The following VTI1A variants were observed in gnomAD, a reference collection of about 807,000 sequenced individuals.
VTI1A encodes the protein vesicle transport through interaction with t-SNAREs 1A, also known as vesicle transport through interaction with t-SNAREs homolog 1A.
VTI1A carries 22 observed loss-of-function variants against 34.9 expected under a neutral mutation model. That is an observed-to-expected ratio of 0.63 (90% CI 0.45 to 0.90). The LOEUF (loss-of-function observed/expected upper bound fraction) is 0.90. VTI1A is among the 40% of genes least tolerant of loss of function. The probability of loss-of-function intolerance (pLI) is 0.00; values close to 1 mark genes in which losing one functional copy is unlikely to be tolerated. For missense variants in VTI1A, 268 were observed against 275.6 expected, an observed-to-expected ratio of 0.97 and a Z score of 0.20; for synonymous variants, 87 against 97.3, an observed-to-expected ratio of 0.89 and a Z score of 0.62.
chr10:112,821,893 C>G (rs1020568544), downstream of VTI1A, among the ~76,000 whole-genome samples: 2 of 152,188 alleles, frequency 1.3e-5, no homozygotes, highest in African/African-American at 4.8e-5. Flanking sequence ...AAGGCCTTGA[C>G]CCTTTGAGGG....
chr10:112,581,698 C>A (rs1463495546), intron 5 of VTI1A, among the ~76,000 whole-genome samples: 1 of 152,156 alleles, frequency 6.6e-6, no homozygotes, highest in African/African-American at 2.4e-5. Flanking sequence ...TCAGCGACAG[C>A]ATTCCTGTTA....
intron 5 of VTI1A, among the ~76,000 whole-genome samples, chr10:112,614,568 G>C (rs1468167344): frequency 6.6e-6 from 1 of 152,162 alleles, no homozygotes; most frequent in Non-Finnish European, 1.5e-5. Context: ...AAGCTTTGAA[G>C]GGGGTTTGTT....
At chr10:112,534,209 G>A (rs1338252146) in intron 4 of VTI1A, among the ~76,000 whole-genome samples, 1 of 152,054 alleles carries the variant, frequency 6.6e-6, no homozygotes, top group Non-Finnish European at 1.5e-5. Flanking sequence ...TTTTTTGTGT[G>A]TGGCTCAGCA....
intron 7 of VTI1A, among the ~76,000 whole-genome samples, chr10:112,683,913 G>A (rs1450071772): frequency 1.3e-5 from 2 of 152,150 alleles, no homozygotes; most frequent in East Asian, 1.9e-4. Context: ...CATATTGCTG[G>A]GTGCCTGTAA....
At chr10:112,747,627 A>G (rs1173576101) in intron 7 of VTI1A, among the ~76,000 whole-genome samples, 1 of 152,346 alleles carries the variant, frequency 6.6e-6, no homozygotes, top group East Asian at 1.9e-4. Context: ...AATAAAACAT[A>G]AGAATATTGG....
At chr10:112,567,717 G>A (rs1369317097) in intron 5 of VTI1A, among the ~76,000 whole-genome samples, 1 of 152,182 alleles carries the variant, frequency 6.6e-6, no homozygotes, top group Non-Finnish European at 1.5e-5. Flanking sequence ...ATAACTGCGT[G>A]GTATGATTTG....
chr10:112,758,335 A>G (rs1295406123), intron 7 of VTI1A, among the ~76,000 whole-genome samples: 1 of 152,012 alleles, frequency 6.6e-6, no homozygotes, highest in Non-Finnish European at 1.5e-5. Flanking sequence ...AGGCCTGGCA[A>G]CCTCCACCAC....
At chr10:112,661,898 G>C (rs927106764) in intron 5 of VTI1A, among the ~76,000 whole-genome samples, 4 of 151,434 alleles carry the variant, frequency 2.6e-5, no homozygotes, top group African/African-American at 4.9e-5. Context: ...CTCCTGAGTA[G>C]AGTAGCTGGG....
chr10:112,667,715 T>A (rs914993870), intron 5 of VTI1A, among the ~76,000 whole-genome samples: 3 of 152,142 alleles, frequency 2.0e-5, no homozygotes, highest in Non-Finnish European at 4.4e-5. Context: ...AGCCTAGAGA[T>A]AGTTCACTAC....
intron 7 of VTI1A, among the ~76,000 whole-genome samples, chr10:112,779,793 G>A (rs1250018738): frequency 3.9e-5 from 6 of 152,278 alleles, no homozygotes; most frequent in Non-Finnish European, 8.8e-5. Context: ...CCCATAAACA[G>A]GTGAGATTGG....
chr10:112,609,120 T>C (rs574334604), intron 5 of VTI1A, among the ~76,000 whole-genome samples: 1 of 152,192 alleles, frequency 6.6e-6, no homozygotes, highest in African/African-American at 2.4e-5. Context: ...TTATTTTATT[T>C]CTATATCAGT....
rs189191392 is a variant in VTI1A at position 112,735,120 on chromosome 10, C to T, written c.560+66122C>T. On this transcript the variant is annotated intron_variant, in intron 7 of 7. Coordinates refer to ENST00000393077, the MANE Select transcript of VTI1A (RefSeq NM_145206.4). ...CCACAGTGATTTACCAGTTTTAATT[C>T]GCAGAAAATGCAACTTTGCTTTTTT... Among the ~76,000 whole-genome samples, 6 of 152,212 alleles carry T rather than the reference C, an allele frequency of 3.9e-5. No homozygotes were observed. The East Asian group carries it at 5.8e-4, about 15-fold the overall frequency.
At chr10:112,524,712 T>C (rs1850157896) in intron 3 of VTI1A, among the ~76,000 whole-genome samples, 2 of 152,130 alleles carry the variant, frequency 1.3e-5, no homozygotes. Context: ...AATTGAACAA[T>C]CTATGCCAAT....
intron 5 of VTI1A, among the ~76,000 whole-genome samples, chr10:112,574,571 A>G (rs529977615): frequency 6.6e-6 from 1 of 152,350 alleles, no homozygotes; most frequent in South Asian, 2.1e-4. Context: ...TGGGTTAGTC[A>G]GTTAACCTTT....
rs773619213 is a variant in VTI1A at position 112,460,577 on chromosome 10, G to T, written c.148G>T (p.Glu50Ter). ...GGAGAAACAGCTTGAAGAAGCGAAA[G>T]AACTGGTATGTACAGACAGTAATGT... ...NVEKQLEEAK[E>*]LLEQMDLEVR... is the part of the protein sequence containing the mutation. Residue 50 changes from glutamate (E) to a stop codon, truncating the protein, a stop_gained, in exon 2 of 8, where the codon GAA becomes TAA. Transcript: ENST00000393077. LOFTEE classifies it high-confidence loss of function. 1 of 1,608,794 alleles carries T rather than the reference G, an allele frequency of 6.2e-7. No individual in the cohort carries two copies. Among genetic ancestry groups the T allele is most frequent in the Non-Finnish European group, 8.5e-7 (1 of 1,177,684 alleles).
chr10:112,760,086 T>C lies in VTI1A; in HGVS notation c.561-55204T>C, dbSNP rs3885399. On this transcript the variant is annotated intron_variant, in intron 7 of 7. Transcript: ENST00000393077. ...GAAGATATAAACACAGAAAAATATA[T>C]GGGAGTCCACACGAAGAACTAGAAT... Among the ~76,000 whole-genome samples, 752 of 152,288 alleles carry C rather than the reference T, an allele frequency of 4.9e-3. 13 individuals carry two copies. The highest frequency in any genetic ancestry group is 0.046 in the East Asian group (237 of 5,192).
rs181660386 is a variant in VTI1A at position 112,711,764 on chromosome 10, C to T, written c.560+42766C>T. On this transcript the variant is annotated intron_variant, in intron 7 of 7. Coordinates refer to ENST00000393077, the MANE Select transcript of VTI1A (RefSeq NM_145206.4). ...TGGTCCATAGCGTACCAACTGTGTC[C>T]TCTGGGACAACAACAGAAAATGAAC... is the stretch of plus-strand genomic sequence containing the variant. 1.8e-3 allele frequency among the ~76,000 whole-genome samples: 269 copies of T among 152,304 alleles called. 3 individuals carry two copies. The highest frequency in any genetic ancestry group is 0.017 in the Admixed American group (258 of 15,288).
chr10:112,698,784 G>T (rs761797471), intron 7 of VTI1A, among the ~76,000 whole-genome samples: 1 of 152,186 alleles, frequency 6.6e-6, no homozygotes, highest in Non-Finnish European at 1.5e-5. Flanking sequence ...TTGAACACAG[G>T]CAGAGTATTG....
chr10:112,836,758 G>A, the VTI1A span, among the ~76,000 whole-genome samples: 4 of 152,130 alleles, frequency 2.6e-5, no homozygotes, highest in Non-Finnish European at 5.9e-5. Context: ...CGGCGGGGAG[G>A]GGGTATGGAA....
Sources: allele counts gnomAD v4.1 joint callset (sites outside exome capture counted in the v4.1 genomes callset), GRCh38; gene constraint gnomAD v4.1.1; transcripts MANE v1.5; gene names NCBI Gene and HGNC (gene_info 2026-07-23, HGNC 2026-07-21).